NAA15: variants seen among roughly 807,000 people sequenced by gnomAD.
The protein encoded by NAA15 is N-terminal acetyltransferase.
In NAA15, 34 loss-of-function variants were observed where a neutral mutation model predicts 114.0. The observed-to-expected ratio is 0.30, with a 90% CI of 0.23 to 0.40. The LOEUF is 0.40. Among genes scored for constraint, NAA15 ranks in the 10% least tolerant of loss-of-function variants. The probability of loss-of-function intolerance (pLI) is 1.00; values close to 1 mark genes in which losing one functional copy is unlikely to be tolerated. For synonymous variants in NAA15, 340 were observed against 338.0 expected, an observed-to-expected ratio of 1.01 and a Z score of -0.06; for missense variants, 658 against 1,004.5, an observed-to-expected ratio of 0.66 and a Z score of 4.66.
At chr4:139,358,215 AAG>A (rs1214980310) in intron 11 of NAA15, among the ~76,000 whole-genome samples, 1 of 150,656 alleles carries the variant, frequency 6.6e-6, no homozygotes, top group Non-Finnish European at 1.5e-5. Context: ...GAGAGAGAGA[AAG>A]AGTCTCACTG....
intron 17 of NAA15, among the ~76,000 whole-genome samples, chr4:139,379,659 A>G (rs962547992): frequency 3.3e-5 from 5 of 152,216 alleles, no homozygotes; most frequent in African/African-American, 1.2e-4. Context: ...AATACTATTA[A>G]CTATCACATT....
intron 3 of NAA15, among the ~76,000 whole-genome samples, chr4:139,340,471 T>TA (rs1747345691): frequency 1.3e-5 from 2 of 152,222 alleles, no homozygotes; most frequent in Admixed American, 6.5e-5. Context: ...TGACTTTACA[T>TA]AACTGGATTC....
At chr4:139,319,091 C>A (rs1027054142) in intron 1 of NAA15, among the ~76,000 whole-genome samples, 5 of 151,966 alleles carry the variant, frequency 3.3e-5, no homozygotes, top group Non-Finnish European at 7.4e-5. Flanking sequence ...GAGTTGGAGA[C>A]CAGGCCAGGC....
intron 3 of NAA15, among the ~76,000 whole-genome samples, chr4:139,339,145 G>A (rs1263412049): frequency 6.6e-6 from 1 of 152,114 alleles, no homozygotes; most frequent in Non-Finnish European, 1.5e-5. Context: ...AGAAAGAAAC[G>A]TTATAAGTTT....
chr4:139,314,991 T>G lies in NAA15; in HGVS notation c.54+13160T>G, dbSNP rs538630669. ...ACACCCGGCCTAGAGAAGCGTTCAG[T>G]TCAGTTCAGTTTAGTTTAGGTTAGG... is the stretch of plus-strand genomic sequence containing the variant. On this transcript the variant is annotated intron_variant, in intron 1 of 19. Coordinates refer to ENST00000296543, the MANE Select transcript of NAA15 (RefSeq NM_057175.5). Among the ~76,000 whole-genome samples, 664 of 67,500 alleles carry G rather than the reference T, an allele frequency of 9.8e-3. 40 individuals are homozygous for G. Among genetic ancestry groups the G allele is most frequent in the Admixed American group, 0.051 (379 of 7,478 alleles). 44.3% of individuals were successfully genotyped at this position (67,500 alleles called of 152,430 possible). A position where few individuals can be genotyped will look rare whatever the true frequency, so the allele number is the denominator to read the frequency against.
At chr4:139,370,633 GA>G (rs1204381601) in intron 15 of NAA15, among the ~76,000 whole-genome samples, 1 of 152,100 alleles carries the variant, frequency 6.6e-6, no homozygotes, top group Non-Finnish European at 1.5e-5. Context: ...TAGTATGGTG[GA>G]AAAAATTTTG....
At chr4:139,357,330 G>A in intron 10 of NAA15, 56 bp from the exon 11 acceptor site, 1 of 1,492,748 alleles carries the variant, frequency 6.7e-7, no homozygotes. Context: ...CATTTTGGGG[G>A]GTGCTCTTAA....
Position 139,383,792 on chromosome 4 carries a change from T to C in NAA15, c.2156-1040T>C, listed in dbSNP as rs528687389. 3.3e-5 allele frequency among the ~76,000 whole-genome samples: 5 copies of C among 152,372 alleles called. No homozygotes were observed. The South Asian group carries it at 1.0e-3, about 32-fold the overall frequency. The stretch of plus-strand genomic sequence containing the variant: ...AGCCTATTTATTAATAGGAAAATGC[T>C]TTGGTGGTCCTTGGGAGTTTATTAT... On this transcript the variant is annotated intron_variant, in intron 17 of 19. Coordinates refer to ENST00000296543, the MANE Select transcript of NAA15 (RefSeq NM_057175.5).
intron 6 of NAA15, among the ~76,000 whole-genome samples, chr4:139,346,415 ATCTTTGGAAAT>A (rs2110922353): frequency 6.6e-6 from 1 of 152,288 alleles, no homozygotes; most frequent in East Asian, 1.9e-4. Context: ...GGTAGAATCA[ATCTTTGGAAAT>A]TCTAGCAATC....
intron 1 of NAA15, among the ~76,000 whole-genome samples, chr4:139,307,027 GT>G (rs1746044959): frequency 6.6e-6 from 1 of 152,172 alleles, no homozygotes; most frequent in African/African-American, 2.4e-5. Flanking sequence ...GATTTAAATT[GT>G]TAGTTGTAAG....
chr4:139,378,892 A>G, intron 17 of NAA15, 38 bp downstream of exon 17: 1 of 1,274,652 alleles, frequency 7.8e-7, no homozygotes, highest in Non-Finnish European at 1.1e-6. Flanking sequence ...TATTTGATAC[A>G]GTGGTTGATG....
intron 15 of NAA15, among the ~76,000 whole-genome samples, chr4:139,374,884 C>T (rs1748540490): frequency 6.6e-6 from 1 of 152,186 alleles, no homozygotes; most frequent in South Asian, 2.1e-4. Context: ...TCTCTGTTTC[C>T]TCTCTCCAAG....
intron 1 of NAA15, among the ~76,000 whole-genome samples, chr4:139,325,628 G>T (rs1746774268): frequency 6.6e-6 from 1 of 152,188 alleles, no homozygotes; most frequent in South Asian, 2.1e-4. Context: ...GTTACATTGT[G>T]CATGTCAAGT....
intron 14 of NAA15, among the ~76,000 whole-genome samples, chr4:139,362,397 C>G (rs555622409): frequency 6.6e-6 from 1 of 152,274 alleles, no homozygotes; most frequent in South Asian, 2.1e-4. Flanking sequence ...CCGCAGCCTT[C>G]TGAGTAGCTG....
At chr4:139,352,862 T>G (rs1285095385) in intron 9 of NAA15, among the ~76,000 whole-genome samples, 2 of 151,752 alleles carry the variant, frequency 1.3e-5, no homozygotes, top group African/African-American at 4.8e-5. Flanking sequence ...GAGATGGGGT[T>G]TGACCATGTT....
chr4:139,332,452 T>G (rs1267868949), intron 1 of NAA15, among the ~76,000 whole-genome samples: 1 of 151,852 alleles, frequency 6.6e-6, no homozygotes, highest in Non-Finnish European at 1.5e-5. Flanking sequence ...TTTAAAAAAT[T>G]TATCCTAATT....
rs760896180 is a variant in NAA15 at position 139,334,239 on chromosome 4, C to T, written c.120C>T (p.Pro40=). 2 of 1,601,298 alleles carry T rather than the reference C, an allele frequency of 1.2e-6. No individual in the cohort carries two copies. The highest frequency in any genetic ancestry group is 1.7e-5 in the Admixed American group (1 of 57,904). Residue 40 remains proline (P), a synonymous_variant, in exon 2 of 20, where the codon CCC becomes CCT. Transcript: ENST00000296543. ...TCTGTAAACAAATACTTTCTAATCC[C>T]AAATTTGCAGAGCATGGAGGTAAGT... is the stretch of plus-strand genomic sequence containing the variant. ...LKFCKQILSN[P]KFAEHGETLA...
intron 6 of NAA15, among the ~76,000 whole-genome samples, chr4:139,346,978 G>A (rs1207842861): frequency 6.6e-6 from 1 of 152,252 alleles, no homozygotes; most frequent in Admixed American, 6.5e-5. Context: ...GTCTTGCTGT[G>A]TTGCCTAGTC....
chr4:139,354,596 A>C (rs2110942406), intron 10 of NAA15, among the ~76,000 whole-genome samples: 1 of 152,280 alleles, frequency 6.6e-6, no homozygotes, highest in East Asian at 1.9e-4. Flanking sequence ...ACTGTGTCCC[A>C]CCTCGCATTA....
Sources: allele counts gnomAD v4.1 joint callset (sites outside exome capture counted in the v4.1 genomes callset), GRCh38; gene constraint gnomAD v4.1.1; transcripts MANE v1.5; gene names NCBI Gene and HGNC (gene_info 2026-07-23, HGNC 2026-07-21).